RUFY1: variants seen among roughly 807,000 people sequenced by gnomAD.
RUFY1 encodes RUN and FYVE domain containing 1, also known as RUN and FYVE domain-containing protein 1.
A neutral mutation model predicts 94.6 loss-of-function variants in RUFY1; 54 were observed. The ratio of observed to expected loss-of-function variants is 0.57; its 90% confidence interval spans 0.46 to 0.72. The LOEUF is 0.72. RUFY1 is among the 30% of genes least tolerant of loss of function. RUFY1 has a pLI of 0.00. For synonymous variants in RUFY1, 396 were observed against 347.3 expected, an observed-to-expected ratio of 1.14 and a Z score of -1.56; for missense variants, 883 against 883.9, an observed-to-expected ratio of 1.00 and a Z score of 0.01.
At position 179,591,698 on chromosome 5, in the gene RUFY1, G is replaced by A; in HGVS notation, c.1202G>A (p.Ser401Asn). Residue 401 changes from serine to asparagine, a missense_variant, in exon 10 of 18, where the codon AGT (serine) becomes AAT (asparagine). Ser to Asn is a conservative substitution (Grantham distance 46, BLOSUM62 1). Coordinates refer to ENST00000319449, the MANE Select transcript of RUFY1 (RefSeq NM_025158.5). Reference protein sequence around the residue: ...QTRQGLDEMYSDVWKQLKEEK... With the variant: ...QTRQGLDEMYNDVWKQLKEEK... ...CGGCAAGGTCTGGATGAAATGTACA[G>A]TGATGTGTGGAAGCAGCTAAAAGAG... 1 of 1,612,600 alleles carries A rather than the reference G, an allele frequency of 6.2e-7. No individual in the cohort carries two copies.
At position 179,596,580 on chromosome 5, in the gene RUFY1, G is replaced by C; in HGVS notation, c.1530G>C (p.Arg510=). The C allele has an allele frequency of 6.2e-7, 1 of 1,613,670 alleles. No individual in the cohort carries two copies. The highest frequency in any genetic ancestry group is 8.5e-7 in the Non-Finnish European group (1 of 1,180,012). ...CATCCAGGTTGCAGCACTCGGAGCG[G>C]GCGAGGCAGGGGGCTGAGGAGCGGA... The part of the protein sequence containing the change: ...QMEERLQHSE[R]ARQGAEERSH... The change falls in exon 13 of 18, where the codon CGG becomes CGC. Residue 510 remains arginine (R), a synonymous_variant. Transcript: ENST00000319449.
chr5:179,595,207 C>T (rs1306057848), intron 12 of RUFY1, among the ~76,000 whole-genome samples: 7 of 152,148 alleles, frequency 4.6e-5, no homozygotes, highest in African/African-American at 1.4e-4. Context: ...AGGACGGGCG[C>T]GGTGGCTCAC....
At chr5:179,552,728 C>T (rs1442196739) in intron 1 of RUFY1, among the ~76,000 whole-genome samples, 2 of 152,114 alleles carry the variant, frequency 1.3e-5, no homozygotes, top group Non-Finnish European at 2.9e-5. Context: ...GAATTTCTTT[C>T]CTTTAATGCA....
chr5:179,580,300 T>G (rs1218370285), intron 6 of RUFY1, among the ~76,000 whole-genome samples: 7 of 149,116 alleles, frequency 4.7e-5, no homozygotes, highest in Middle Eastern at 3.6e-3. Flanking sequence ...TGGAGTGCAG[T>G]GGCGCCATCT....
chr5:179,558,778 C>T (rs1045392450), intron 1 of RUFY1, among the ~76,000 whole-genome samples: 2 of 152,022 alleles, frequency 1.3e-5, no homozygotes, highest in Non-Finnish European at 2.9e-5. Context: ...TACAAGTTCA[C>T]GGCCATAATA....
intron 2 of RUFY1, 69 bp downstream of exon 2, chr5:179,560,267 G>A: frequency 1.9e-6 from 3 of 1,542,852 alleles, no homozygotes; most frequent in Non-Finnish European, 1.8e-6. Flanking sequence ...TTTTTCATCA[G>A]CGCCAGACAT....
chr5:179,577,859 CA>C (rs35539667), intron 6 of RUFY1, among the ~76,000 whole-genome samples: 40 of 134,340 alleles, frequency 3.0e-4, no homozygotes, highest in African/African-American at 6.0e-4. Context: ...TTCTCTGCAG[CA>C]AAAAAAAAAA....
intron 6 of RUFY1, among the ~76,000 whole-genome samples, chr5:179,580,583 C>A (rs960274751): frequency 1.3e-5 from 2 of 151,350 alleles, no homozygotes; most frequent in African/African-American, 4.9e-5. Context: ...CTGGCCTAGA[C>A]TTTAGACTGA....
chr5:179,571,105 G>A lies in RUFY1; in HGVS notation c.828+1680G>A, dbSNP rs1164001309. 2.0e-5 allele frequency among the ~76,000 whole-genome samples: 3 copies of A among 152,120 alleles called. No individual in the cohort carries two copies. In the East Asian group the frequency reaches 5.8e-4, roughly 29 times the overall value. On this transcript the variant is annotated intron_variant, in intron 5 of 17. Coordinates refer to ENST00000319449, the MANE Select transcript of RUFY1 (RefSeq NM_025158.5). ...TATGTTCCACACAGTTCTCAATAACGAGAGATATAAACCATTTAAAATGAC... is the reference window on the plus strand; with the variant it reads ...TATGTTCCACACAGTTCTCAATAACAAGAGATATAAACCATTTAAAATGAC...
rs573065926 is a variant in RUFY1, at chr5:179,578,993, A to C, written c.890+1857A>C. ...ATATGCATACATATGTTTTACTTTC[A>C]TATGTATGCATGGAACATTTCTAGA... On this transcript the variant is annotated intron_variant, in intron 6 of 17. Coordinates refer to ENST00000319449, the MANE Select transcript of RUFY1 (RefSeq NM_025158.5). Among the ~76,000 whole-genome samples, 14 of 152,336 alleles carry C rather than the reference A, an allele frequency of 9.2e-5. No individual in the cohort carries two copies. The East Asian group carries it at 2.7e-3, about 29-fold the overall frequency.
intron 8 of RUFY1, among the ~76,000 whole-genome samples, chr5:179,587,007 C>G (rs977351807): frequency 6.6e-6 from 1 of 152,222 alleles, no homozygotes; most frequent in African/African-American, 2.4e-5. Context: ...AGATGGCGTG[C>G]TTTGATGAAG....
chr5:179,573,532 C>CT (rs571596953), intron 5 of RUFY1, among the ~76,000 whole-genome samples: 10 of 149,984 alleles, frequency 6.7e-5, no homozygotes, highest in South Asian at 4.5e-4. Flanking sequence ...TTGTTTTTTT[C>CT]TTTTTTTTGA....
At position 179,609,405 on chromosome 5, in the gene RUFY1, C is replaced by G; in HGVS notation, c.2013C>G (p.Phe671Leu). ...ACTGCCGGAACTGTGGCCACATCTT[C>G]TGCAACACCTGCTCCAGCAACGAGC... ...KHHCRNCGHI[F>L]CNTCSSNELA... Residue 671 changes from phenylalanine (F) to leucine (L), a missense_variant, in exon 18 of 18, where the codon TTC becomes TTG. Phe to Leu is a conservative substitution (Grantham distance 22, BLOSUM62 0). Transcript: ENST00000319449. 6.2e-7 allele frequency: 1 copy of G among 1,613,542 alleles called. No homozygotes were observed. Among genetic ancestry groups the G allele is most frequent in the East Asian group, 2.2e-5 (1 of 44,862 alleles).
At chr5:179,568,248 A>G (rs1320326765) in intron 4 of RUFY1, among the ~76,000 whole-genome samples, 14 of 152,338 alleles carry the variant, frequency 9.2e-5, no homozygotes, top group Non-Finnish European at 4.4e-5. Context: ...TCTGTCTCAA[A>G]ATAAAAAATA....
intron 1 of RUFY1, 103 bp from the exon 2 acceptor site, chr5:179,559,922 G>C: frequency 6.7e-7 from 1 of 1,482,554 alleles, no homozygotes; most frequent in Non-Finnish European, 8.9e-7. Context: ...TCCCTAAGCA[G>C]ACCGCCTGGC....
intron 6 of RUFY1, among the ~76,000 whole-genome samples, chr5:179,579,535 T>C (rs1052174545): frequency 6.6e-6 from 1 of 152,144 alleles, no homozygotes; most frequent in African/African-American, 2.4e-5. Flanking sequence ...TTTTGCCATG[T>C]TGGCCAGGCT....
Position 179,609,357 on chromosome 5 carries a change from CCTT to C in RUFY1, c.1984-14_1984-12del, listed in dbSNP as rs752401204. On this transcript the variant is annotated splice_polypyrimidine_tract_variant and intron_variant, in intron 17 of 17. Coordinates refer to ENST00000319449, the MANE Select transcript of RUFY1 (RefSeq NM_025158.5). ...CTTTTCCCCGGGTGTCCTGTGACCG[CCTT>C]CTTCCCGTCCTGTAGCACCACTGCC... 6.2e-6 allele frequency: 10 copies of C among 1,611,618 alleles called. No homozygotes were observed. The highest frequency in any genetic ancestry group is 2.2e-5 in the East Asian group (1 of 44,836).
intron 5 of RUFY1, among the ~76,000 whole-genome samples, chr5:179,575,341 C>G (rs1367371865): frequency 6.6e-6 from 1 of 151,756 alleles, no homozygotes; most frequent in African/African-American, 2.4e-5. Context: ...GACTTGCTCT[C>G]TCCTCGTCTG....
chr5:179,590,199 A>G (rs369761781), intron 9 of RUFY1, among the ~76,000 whole-genome samples: 1 of 151,874 alleles, frequency 6.6e-6, no homozygotes, highest in South Asian at 2.1e-4. Context: ...TAAAAATACA[A>G]AACAGTTAGC....
Sources: gnomAD v4.1 joint callset for allele counts (sites outside exome capture counted in the v4.1 genomes callset) on GRCh38, gnomAD v4.1.1 for gene constraint, MANE v1.5 for transcripts, NCBI Gene and HGNC (gene_info 2026-07-23, HGNC 2026-07-21) for gene names.